The following PTCHD4 variants were observed in gnomAD, a reference collection of about 807,000 sequenced individuals.
PTCHD4 encodes the protein patched domain-containing protein 4.
A neutral mutation model predicts 58.1 loss-of-function variants in PTCHD4; 33 were observed. The ratio of observed to expected loss-of-function variants is 0.57; its 90% CI spans 0.43 to 0.76. PTCHD4 has a LOEUF of 0.76. PTCHD4 is among the 30% of genes least tolerant of loss of function. The probability of loss-of-function intolerance (pLI) is 0.00; values close to 1 mark genes in which losing one functional copy is unlikely to be tolerated. For missense variants in PTCHD4, 1,058 were observed against 1,027.1 expected (o/e 1.03, Z -0.41); for synonymous variants, 478 against 409.6 (o/e 1.17, Z -2.02).
chr6:48,041,215 A>T (rs570713681), intron 3 of PTCHD4, among the ~76,000 whole-genome samples: 1 of 152,044 alleles, frequency 6.6e-6, no homozygotes, highest in Non-Finnish European at 1.5e-5. Context: ...ATGTAATTTG[A>T]CTCTCAATTT....
At position 48,003,841 on chromosome 6, in the gene PTCHD4, G is replaced by A. The variant is rs116344321; in HGVS notation, c.898+4793C>T. 7.5e-3 allele frequency among the ~76,000 whole-genome samples: 1,135 copies of A among 152,108 alleles called. 11 individuals are homozygous for A. The highest frequency in any genetic ancestry group is 0.026 in the African/African-American group (1,071 of 41,478). On this transcript the variant is annotated intron_variant, in intron 4 of 4. Coordinates refer to ENST00000339488, the MANE Select transcript of PTCHD4 (RefSeq NM_001384253.1). Reference sequence around the variant, plus strand: ...CGCTTTCTTGCTCTTCTTCAGCTTCGCCAAGCAAGGTCCTATATTAAAGCC... The same window carrying A: ...CGCTTTCTTGCTCTTCTTCAGCTTCACCAAGCAAGGTCCTATATTAAAGCC...
chr6:48,071,750 G>C (rs1347103766), intron 1 of PTCHD4, among the ~76,000 whole-genome samples: 1 of 152,058 alleles, frequency 6.6e-6, no homozygotes, highest in Non-Finnish European at 1.5e-5. Context: ...ATCCTATCCT[G>C]GATACCACAT....
Position 47,879,540 on chromosome 6 carries a change from TG to T in PTCHD4, c.1294del (p.His432IlefsTer29). 6.2e-7 allele frequency: 1 copy of T among 1,613,780 alleles called. No homozygotes were observed. The highest frequency in any genetic ancestry group is 8.5e-7 in the Non-Finnish European group (1 of 1,179,780). On this transcript the variant is annotated frameshift_variant, in exon 5 of 5. Coordinates refer to ENST00000339488, the MANE Select transcript of PTCHD4 (RefSeq NM_001384253.1). LOFTEE classifies it high-confidence loss of function. Reference sequence around the variant, plus strand: ...GTGCTGGTAGGGGTTCGTCTCATGATGGGACGTCTGTTGATGCCCATCACTC... The same window carrying T: ...GTGCTGGTAGGGGTTCGTCTCATGATGGACGTCTGTTGATGCCCATCACTC... The part of the protein sequence containing the change: ...VMSDGHQQTS[H>X]HETNPYQHHF...
At chr6:48,020,511 T>C (rs966724939) in intron 3 of PTCHD4, among the ~76,000 whole-genome samples, 3 of 151,936 alleles carry the variant, frequency 2.0e-5, no homozygotes, top group Admixed American at 2.0e-4. Context: ...GCTACTTTCG[T>C]TGGCAAAAAC....
At chr6:47,956,427 T>C (rs566414333) in intron 4 of PTCHD4, among the ~76,000 whole-genome samples, 28 of 151,100 alleles carry the variant, frequency 1.9e-4, no homozygotes, top group African/African-American at 6.3e-4. Flanking sequence ...AGAGTATGGT[T>C]TTTTTTTTAT....
intron 4 of PTCHD4, chr6:47,899,625 T>C: frequency 2.2e-6 from 2 of 927,216 alleles, no homozygotes; most frequent in Non-Finnish European, 2.6e-6. Flanking sequence ...TTTTAACAGC[T>C]TTATTGTGAT....
intron 4 of PTCHD4, among the ~76,000 whole-genome samples, chr6:47,907,742 G>T (rs1764942285): frequency 6.6e-6 from 1 of 152,104 alleles, no homozygotes; most frequent in Admixed American, 6.5e-5. Flanking sequence ...GCCTACCTCT[G>T]TTCCCCTGTG....
At chr6:47,901,918 TA>T in intron 4 of PTCHD4, 1 of 1,303,614 alleles carries the variant, frequency 7.7e-7, no homozygotes, top group South Asian at 1.2e-5. Flanking sequence ...TAGCTTGAGG[TA>T]AATTCAGTGG....
rs1235591129 is a variant in PTCHD4 at position 47,872,482 on chromosome 6, C to T, written c.*5821G>A. Among the ~76,000 whole-genome samples, 2 of 151,608 alleles carry T rather than the reference C, an allele frequency of 1.3e-5. No homozygotes were observed. The highest frequency in any genetic ancestry group is 6.6e-5 in the Admixed American group (1 of 15,178). On this transcript the variant is annotated 3_prime_UTR_variant, in exon 5 of 5. Transcript: ENST00000339488. The stretch of plus-strand genomic sequence containing the variant: ...TCAGCTACAAATGGCTTCTAAAAAC[C>T]TCAGCTCAGATAAGTGCAATGAAAT...
At chr6:47,901,440 C>G (rs1030889044) in intron 4 of PTCHD4, 1 of 981,054 alleles carries the variant, frequency 1.0e-6, no homozygotes, top group Non-Finnish European at 1.2e-6. Context: ...CACATATTGC[C>G]AGGTAACCTC....
chr6:47,893,234 C>T (rs927497430), intron 4 of PTCHD4, among the ~76,000 whole-genome samples: 1 of 152,194 alleles, frequency 6.6e-6, no homozygotes, highest in Non-Finnish European at 1.5e-5. Flanking sequence ...TGGTTTCTAT[C>T]TCTTGACCTC....
intron 4 of PTCHD4, among the ~76,000 whole-genome samples, chr6:47,898,798 G>A (rs1180289767): frequency 6.6e-6 from 1 of 152,170 alleles, no homozygotes; most frequent in Non-Finnish European, 1.5e-5. Flanking sequence ...ATGAAAAGGT[G>A]TAAGAACAAA....
intron 3 of PTCHD4, among the ~76,000 whole-genome samples, chr6:48,049,318 C>T (rs973672104): frequency 5.2e-5 from 4 of 77,314 alleles, no homozygotes; most frequent in African/African-American, 1.9e-4. Flanking sequence ...GAAACCCTGA[C>T]CTAGAGAACT....
At chr6:47,972,971 T>C (rs1767572522) in intron 4 of PTCHD4, among the ~76,000 whole-genome samples, 1 of 152,166 alleles carries the variant, frequency 6.6e-6, no homozygotes, top group Non-Finnish European at 1.5e-5. Context: ...TTCTATATTA[T>C]AATCTCTCAT....
chr6:47,971,782 A>G (rs1767521615), intron 4 of PTCHD4, among the ~76,000 whole-genome samples: 1 of 152,234 alleles, frequency 6.6e-6, no homozygotes, highest in East Asian at 1.9e-4. Context: ...GAGGATCCTC[A>G]GAATCAAATC....
chr6:47,897,967 G>C, intron 4 of PTCHD4, among the ~76,000 whole-genome samples: 1 of 83,856 alleles, frequency 1.2e-5, no homozygotes, highest in East Asian at 3.9e-4. Flanking sequence ...TTTTTTTTGA[G>C]ACAGAGTCGC....
rs1303158825 is a variant in PTCHD4 at position 47,980,564 on chromosome 6, T to C, written c.898+28070A>G. On this transcript the variant is annotated intron_variant, in intron 4 of 4. Transcript: ENST00000339488. ...TTTATATACATTTGTCTAATATCAA[T>C]GATAGTTATTGAATTCTGTTGATAA... Among the ~76,000 whole-genome samples, 7 of 152,242 alleles carry C rather than the reference T, an allele frequency of 4.6e-5. No individual in the cohort carries two copies. In the South Asian group the frequency reaches 6.2e-4, roughly 13 times the overall value.
Position 48,069,237 on chromosome 6 carries a change from C to G in PTCHD4, c.-280G>C, listed in dbSNP as rs1221590714. 6.6e-6 allele frequency among the ~76,000 whole-genome samples: 1 copy of G among 150,508 alleles called. No homozygotes were observed. The highest frequency in any genetic ancestry group is 1.5e-5 in the Non-Finnish European group (1 of 67,810). ...CTTTTTTCTTTTTTTAAGATGCTGACAGTTATTTTTAGAGTTTTGTGTTCC... is the reference window on the plus strand; with the variant it reads ...CTTTTTTCTTTTTTTAAGATGCTGAGAGTTATTTTTAGAGTTTTGTGTTCC... On this transcript the variant is annotated 5_prime_UTR_variant, in exon 2 of 5. Coordinates refer to ENST00000339488, the MANE Select transcript of PTCHD4 (RefSeq NM_001384253.1).
rs563389864 is a variant in PTCHD4, at chr6:48,091,613, T to TTCCC, written c.-970+19432_-970+19435dup. On this transcript the variant is annotated intron_variant, in intron 1 of 4. Coordinates refer to ENST00000339488, the MANE Select transcript of PTCHD4 (RefSeq NM_001384253.1). ...TTTCTTTTCTGTTTTCTTTCCTTCC[T>TTCCC]TCCCTCCCTCCCTCCCTCCCTTCCT... is the stretch of plus-strand genomic sequence containing the variant. Among the ~76,000 whole-genome samples the TTCCC allele has an allele frequency of 3.6e-4, 55 of 151,686 alleles. 1 individual carries two copies. The highest frequency in any genetic ancestry group is 2.5e-3 in the South Asian group (12 of 4,768).
Sources: allele counts gnomAD v4.1 joint callset (sites outside exome capture counted in the v4.1 genomes callset), GRCh38; gene constraint gnomAD v4.1.1; transcripts MANE v1.5; gene names NCBI Gene and HGNC (gene_info 2026-07-23, HGNC 2026-07-21).